The following TACR3 variants were observed in gnomAD, a reference collection of about 807,000 sequenced individuals.
The protein encoded by TACR3 is tachykinin receptor 3, also known as neuromedin-K receptor.
A neutral mutation model predicts 35.0 loss-of-function variants in TACR3; 34 were observed. The ratio of observed to expected loss-of-function variants is 0.97; its 90% CI spans 0.74 to 1.30. TACR3 has a LOEUF of 1.30. TACR3 is among the 50% of genes most tolerant of loss of function. TACR3 has a pLI of 0.00. For missense variants in TACR3, 558 were observed against 591.7 expected (o/e 0.94, Z 0.59); for synonymous variants, 233 against 221.1 (o/e 1.05, Z -0.48).
At chr4:103,643,996 T>C (rs1302827483) in intron 3 of TACR3, among the ~76,000 whole-genome samples, 1 of 151,806 alleles carries the variant, frequency 6.6e-6, no homozygotes, top group Non-Finnish European at 1.5e-5. Context: ...TAAAAAAGAA[T>C]AATCATTTCC....
At chr4:103,595,662 A>G (rs887852538) in intron 3 of TACR3, among the ~76,000 whole-genome samples, 18 of 152,082 alleles carry the variant, frequency 1.2e-4, no homozygotes, top group African/African-American at 3.9e-4. Flanking sequence ...TTAGTTTAGG[A>G]AATTAACTAA....
At chr4:103,655,697 G>GA (rs1294897918) in intron 3 of TACR3, among the ~76,000 whole-genome samples, 2 of 151,828 alleles carry the variant, frequency 1.3e-5, no homozygotes, top group African/African-American at 2.4e-5. Context: ...CTTATCAGGG[G>GA]AAAGAACACA....
chr4:103,682,284 C>T (rs116722325), intron 1 of TACR3, among the ~76,000 whole-genome samples: 4,814 of 152,052 alleles, frequency 0.032, 264 homozygotes, highest in African/African-American at 0.11. Context: ...AGTCTGTTCT[C>T]ACACTGCTAT....
chr4:103,653,980 A>C lies in TACR3; in HGVS notation c.888+2214T>G, dbSNP rs1353389873. On this transcript the variant is annotated intron_variant, in intron 3 of 4. Transcript: ENST00000304883. The stretch of plus-strand genomic sequence containing the variant: ...ATCACTGGCCATCAGAGAAATGCAA[A>C]TCAAAACCACAATGAGATACCATCT... 2.0e-3 allele frequency among the ~76,000 whole-genome samples: 298 copies of C among 150,400 alleles called. 4 individuals carry two copies. Among genetic ancestry groups the C allele is most frequent in the South Asian group, 9.4e-3 (45 of 4,784 alleles).
chr4:103,596,848 G>T (rs1319068851), intron 3 of TACR3, among the ~76,000 whole-genome samples: 1 of 151,592 alleles, frequency 6.6e-6, no homozygotes, highest in African/African-American at 2.4e-5. Flanking sequence ...GTGAGAACAT[G>T]CAGTTTGGTT....
At chr4:103,607,176 GC>G (rs1560804782) in intron 3 of TACR3, among the ~76,000 whole-genome samples, 1 of 151,924 alleles carries the variant, frequency 6.6e-6, no homozygotes, top group East Asian at 1.9e-4. Flanking sequence ...ATTAGACTTA[GC>G]AAATCATACT....
intron 1 of TACR3, among the ~76,000 whole-genome samples, chr4:103,705,522 CCA>C (rs1227646937): frequency 1.7e-5 from 2 of 119,076 alleles, no homozygotes; most frequent in African/African-American, 6.0e-5. Flanking sequence ...AAATTATCAA[CCA>C]AACAGTCTTA....
chr4:103,680,341 G>T (rs191730742), intron 1 of TACR3, among the ~76,000 whole-genome samples: 33 of 151,414 alleles, frequency 2.2e-4, no homozygotes, highest in Admixed American at 6.6e-4. Flanking sequence ...AAGGAGGAAT[G>T]TTTAAGCTTG....
chr4:103,701,393 TA>T (rs1275067888), intron 1 of TACR3, among the ~76,000 whole-genome samples: 1 of 150,918 alleles, frequency 6.6e-6, no homozygotes, highest in Admixed American at 6.6e-5. Context: ...CTCAATGAAA[TA>T]AAAGAGGATA....
At chr4:103,705,993 T>A (rs950793761) in intron 1 of TACR3, among the ~76,000 whole-genome samples, 4 of 152,174 alleles carry the variant, frequency 2.6e-5, no homozygotes, top group Non-Finnish European at 1.5e-5. Context: ...ATGAACACAT[T>A]AGGGTAGGTT....
chr4:103,685,283 A>G (rs961983065), intron 1 of TACR3, among the ~76,000 whole-genome samples: 24 of 152,132 alleles, frequency 1.6e-4, no homozygotes, highest in African/African-American at 5.5e-4. Flanking sequence ...TTTTCAACAA[A>G]TATTTTAAAA....
At chr4:103,608,609 G>T (rs1262738760) in intron 3 of TACR3, among the ~76,000 whole-genome samples, 2 of 152,100 alleles carry the variant, frequency 1.3e-5, no homozygotes, top group Non-Finnish European at 2.9e-5. Context: ...TAGATTGGAA[G>T]CTGGGTGGAG....
intron 1 of TACR3, among the ~76,000 whole-genome samples, chr4:103,683,470 C>CAAAAAAAAA (rs57761679): frequency 1.9e-4 from 4 of 21,150 alleles, no homozygotes; most frequent in Non-Finnish European, 1.8e-4. Flanking sequence ...AAAGACTGAC[C>CAAAAAAAAA]AAAAAAAAAA....
chr4:103,656,106 A>G, intron 3 of TACR3, 88 bp downstream of exon 3: 1 of 1,497,726 alleles, frequency 6.7e-7, no homozygotes, highest in Non-Finnish European at 9.3e-7. Context: ...ATCAGATCAT[A>G]TTGTATTAAC....
intron 3 of TACR3, among the ~76,000 whole-genome samples, chr4:103,636,377 GAATT>G (rs1196919080): frequency 2.0e-5 from 3 of 151,814 alleles, no homozygotes; most frequent in East Asian, 1.9e-4. Flanking sequence ...TTTTTTCTGA[GAATT>G]AATTTTTAAG....
Position 103,607,540 on chromosome 4 carries a change from C to T in TACR3, c.889-15857G>A, listed in dbSNP as rs181482753. 7.2e-4 allele frequency among the ~76,000 whole-genome samples: 110 copies of T among 151,898 alleles called. 1 individual carries two copies. Among genetic ancestry groups the T allele is most frequent in the Non-Finnish European group, 5.9e-5 (4 of 67,912 alleles). ...TATTGCTCTTAGTTTTTGTCTCTAG[C>T]AGGCTGGATGTTTGGAAAGAATAGC... On this transcript the variant is annotated intron_variant, in intron 3 of 4. Coordinates refer to ENST00000304883, the MANE Select transcript of TACR3 (RefSeq NM_001059.3).
Position 103,658,304 on chromosome 4 carries a change from G to T in TACR3, c.648C>A (p.Phe216Leu). The change falls in exon 2 of 5, where the codon TTC (phenylalanine) becomes TTA (leucine). Residue 216 changes from phenylalanine (F) to leucine (L), a missense_variant. Transcript: ENST00000304883. ...TGGTTTTGGAATAAAGACACTGAGGGAAGGCAAGTAGAAATGCTAGAATCC... is the reference window on the plus strand; with the variant it reads ...TGGTTTTGGAATAAAGACACTGAGGTAAGGCAAGTAGAAATGCTAGAATCC... Reference protein sequence around the residue: ...SIWILAFLLAFPQCLYSKTKV... With the variant: ...SIWILAFLLALPQCLYSKTKV... The T allele has an allele frequency of 6.2e-7, 1 of 1,613,964 alleles. No homozygotes were observed. Among genetic ancestry groups the T allele is most frequent in the Non-Finnish European group, 8.5e-7 (1 of 1,179,958 alleles).
chr4:103,685,028 T>TAAATAAAA, intron 1 of TACR3, among the ~76,000 whole-genome samples: 1 of 146,292 alleles, frequency 6.8e-6, no homozygotes, highest in East Asian at 2.0e-4. Context: ...AATAAATAAA[T>TAAATAAAA]AAAATGTATA....
intron 3 of TACR3, among the ~76,000 whole-genome samples, chr4:103,604,291 A>T (rs1418853881): frequency 1.3e-5 from 2 of 152,234 alleles, no homozygotes; most frequent in Non-Finnish European, 2.9e-5. Context: ...CAATGGGGAA[A>T]GGATTCCCTA....
Sources: gnomAD v4.1 joint callset for allele counts (sites outside exome capture counted in the v4.1 genomes callset) on GRCh38, gnomAD v4.1.1 for gene constraint, MANE v1.5 for transcripts, NCBI Gene and HGNC (gene_info 2026-07-23, HGNC 2026-07-21) for gene names.